The following DCDC1 variants were observed in gnomAD, a reference collection of about 807,000 sequenced individuals.
The protein encoded by DCDC1 is doublecortin domain-containing protein 1.
In DCDC1, 200 loss-of-function variants were observed where a neutral mutation model predicts 178.3. That is an observed-to-expected ratio of 1.12 (90% CI 1.00 to 1.26). The LOEUF is 1.26. Among genes scored for constraint, DCDC1 ranks in the 50% most tolerant of loss-of-function variants. DCDC1 has a pLI of 0.00. For synonymous variants in DCDC1, 690 were observed against 604.8 expected (o/e 1.14, Z -2.07); for missense variants, 1,983 against 1,749.2 (o/e 1.13, Z -2.38).
intron 6 of DCDC1, among the ~76,000 whole-genome samples, chr11:31,300,089 CT>C (rs1210733104): frequency 6.6e-6 from 1 of 150,872 alleles, no homozygotes; most frequent in African/African-American, 2.4e-5. Context: ...ATCTCTTGAC[CT>C]CACGATTTGC....
intron 8 of DCDC1, among the ~76,000 whole-genome samples, chr11:31,255,714 C>T (rs552829477): frequency 6.6e-6 from 1 of 152,174 alleles, no homozygotes; most frequent in Non-Finnish European, 1.5e-5. Flanking sequence ...CTTATATATT[C>T]CAGGTTTTAA....
At chr11:31,342,615 G>A (rs1480326488) in intron 1 of DCDC1, among the ~76,000 whole-genome samples, 1 of 152,152 alleles carries the variant, frequency 6.6e-6, no homozygotes, top group Non-Finnish European at 1.5e-5. Flanking sequence ...GATAGGAGGG[G>A]TGAGGCTCTC....
At chr11:30,896,158 G>T (rs1280220371) in intron 34 of DCDC1, among the ~76,000 whole-genome samples, 1 of 152,136 alleles carries the variant, frequency 6.6e-6, no homozygotes, top group Admixed American at 6.5e-5. Flanking sequence ...ATTTACATAG[G>T]TATGAATAAC....
At chr11:31,278,611 A>G (rs1257998054) in intron 7 of DCDC1, among the ~76,000 whole-genome samples, 12 of 152,134 alleles carry the variant, frequency 7.9e-5, no homozygotes, top group Admixed American at 7.9e-4. Flanking sequence ...CATGGTGACT[A>G]TAGTTAATAA....
chr11:31,302,888 C>A (rs1024145229), intron 6 of DCDC1, among the ~76,000 whole-genome samples: 2 of 152,220 alleles, frequency 1.3e-5, no homozygotes, highest in Non-Finnish European at 2.9e-5. Flanking sequence ...AGGAAAACCA[C>A]TGAAGTATAG....
Position 30,878,699 on chromosome 11 carries a change from A to T in DCDC1, c.5246T>A (p.Leu1749Gln). 1.3e-6 allele frequency: 2 copies of T among 1,572,812 alleles called. No individual in the cohort carries two copies. Among genetic ancestry groups the T allele is most frequent in the Non-Finnish European group, 1.7e-6 (2 of 1,165,056 alleles). The change falls in exon 38 of 39, where the codon CTG (leucine) becomes CAG (glutamine). Residue 1749 changes from leucine (L) to glutamine (Q), a missense_variant. Leu to Gln is a moderately radical substitution (Grantham distance 113). Coordinates refer to ENST00000684477, the MANE Select transcript of DCDC1 (RefSeq NM_001387274.1). ...GFKTPKELKQ[L>Q]MEIRANYARI... Reference sequence around the variant, plus strand: ...GGCATAATTTGCTCTGATCTCCATCAGTTGTTTTAACTCTGTTAAAAAAAA... The same window carrying T: ...GGCATAATTTGCTCTGATCTCCATCTGTTGTTTTAACTCTGTTAAAAAAAA...
chr11:30,977,116 A>G (rs1193839642), intron 20 of DCDC1, among the ~76,000 whole-genome samples: 2 of 152,198 alleles, frequency 1.3e-5, no homozygotes, highest in African/African-American at 4.8e-5. Context: ...CTCATATGTG[A>G]GAGCTAAAAA....
intron 10 of DCDC1, among the ~76,000 whole-genome samples, chr11:31,130,129 T>G (rs1169865952): frequency 6.6e-6 from 1 of 152,180 alleles, no homozygotes; most frequent in Non-Finnish European, 1.5e-5. Flanking sequence ...TGTCGCTTGA[T>G]GCCTAGGCCA....
intron 20 of DCDC1, among the ~76,000 whole-genome samples, chr11:30,974,641 A>G (rs1487032403): frequency 6.6e-6 from 1 of 152,104 alleles, no homozygotes; most frequent in Non-Finnish European, 1.5e-5. Context: ...GACACATACA[A>G]CCTACCAAGA....
At chr11:31,065,385 C>T (rs1392414511) in intron 18 of DCDC1, among the ~76,000 whole-genome samples, 8 of 151,940 alleles carry the variant, frequency 5.3e-5, no homozygotes, top group African/African-American at 2.4e-5. Flanking sequence ...TCATTTTCAC[C>T]CTTAGATAAG....
chr11:31,026,900 A>G (rs1394737136), intron 20 of DCDC1, among the ~76,000 whole-genome samples: 2 of 151,800 alleles, frequency 1.3e-5, no homozygotes, highest in Admixed American at 1.3e-4. Context: ...CAGTCCTTAA[A>G]GCACAGCAAC....
chr11:31,069,463 A>C (rs1312123170), intron 18 of DCDC1, among the ~76,000 whole-genome samples: 1 of 152,190 alleles, frequency 6.6e-6, no homozygotes, highest in Non-Finnish European at 1.5e-5. Context: ...GTAATGGAGA[A>C]GCAGATTATT....
intron 18 of DCDC1, among the ~76,000 whole-genome samples, chr11:31,073,628 A>G (rs1237339152): frequency 1.3e-5 from 2 of 152,232 alleles, no homozygotes; most frequent in African/African-American, 2.4e-5. Context: ...TCATCTACCT[A>G]GAGCCTCACT....
rs555311415 is a variant in DCDC1 at position 31,137,413 on chromosome 11, A to C, written c.1314+279T>G. 5.5e-4 allele frequency among the ~76,000 whole-genome samples: 83 copies of C among 149,622 alleles called. 1 individual carries two copies. Among genetic ancestry groups the C allele is most frequent in the Admixed American group, 1.3e-3 (20 of 14,944 alleles). On this transcript the variant is annotated intron_variant, in intron 10 of 38. Transcript: ENST00000684477. ...TGCCCAGGCTGGAGTGCAGTCGCGC[A>C]ATCTCTGCTCACTGCAACCTCTGCC...
chr11:31,126,321 G>GCTA (rs1315488267), intron 11 of DCDC1, among the ~76,000 whole-genome samples: 2 of 152,148 alleles, frequency 1.3e-5, no homozygotes, highest in African/African-American at 4.8e-5. Flanking sequence ...AAAGAACAAT[G>GCTA]CTACTGCACT....
At chr11:31,072,797 A>G (rs1956647065) in intron 18 of DCDC1, among the ~76,000 whole-genome samples, 2 of 152,220 alleles carry the variant, frequency 1.3e-5, no homozygotes, top group South Asian at 4.1e-4. Flanking sequence ...TTAGCTACAA[A>G]TTATCAATTT....
chr11:30,894,882 A>T (rs1944082827), intron 34 of DCDC1, among the ~76,000 whole-genome samples: 1 of 152,134 alleles, frequency 6.6e-6, no homozygotes. Context: ...TGCGAGCACG[A>T]TTAGTTTCTG....
rs1590637086 is a variant in DCDC1, at chr11:30,978,621, T to C, written c.2592-26053A>G. ...AGTGTTTATCATTTCTATGTGTTGATAACATTTCAAGTCTTCCTTTTAGCT... is the reference window on the plus strand; with the variant it reads ...AGTGTTTATCATTTCTATGTGTTGACAACATTTCAAGTCTTCCTTTTAGCT... On this transcript the variant is annotated intron_variant, in intron 20 of 38. Coordinates refer to ENST00000684477, the MANE Select transcript of DCDC1 (RefSeq NM_001387274.1). Among the ~76,000 whole-genome samples, 5 of 152,176 alleles carry C rather than the reference T, an allele frequency of 3.3e-5. No individual in the cohort carries two copies. The South Asian group carries it at 1.0e-3, about 32-fold the overall frequency.
chr11:31,204,856 C>G (rs1478008377), intron 9 of DCDC1, among the ~76,000 whole-genome samples: 1 of 152,000 alleles, frequency 6.6e-6, no homozygotes, highest in Admixed American at 6.6e-5. Flanking sequence ...AAAAAACAAA[C>G]AAAAAATTCA....
Sources: gnomAD v4.1 joint callset for allele counts (sites outside exome capture counted in the v4.1 genomes callset) on GRCh38, gnomAD v4.1.1 for gene constraint, MANE v1.5 for transcripts, NCBI Gene and HGNC (gene_info 2026-07-23, HGNC 2026-07-21) for gene names.